The following RSBN1 variants were observed in gnomAD, a reference collection of about 807,000 sequenced individuals.
RSBN1 encodes the protein round spermatid basic protein 1.
RSBN1 carries 23 observed loss-of-function variants against 74.8 expected under a neutral mutation model. The ratio of observed to expected loss-of-function variants is 0.31; its 90% CI spans 0.22 to 0.44. The LOEUF (loss-of-function observed/expected upper bound fraction) is 0.44, where lower values mean the gene tolerates loss of function less well. RSBN1 is among the 20% of genes least tolerant of loss of function. The probability of loss-of-function intolerance (pLI) is 1.00; values close to 1 mark genes in which losing one functional copy is unlikely to be tolerated. For missense variants in RSBN1, 808 were observed against 1,020.9 expected (o/e 0.79, Z 2.84); for synonymous variants, 407 against 379.6 (o/e 1.07, Z -0.84).
rs1454436558 is a variant in RSBN1, at chr1:113,766,473, A to G, written c.1936-20T>C. The G allele has an allele frequency of 1.3e-5, 19 of 1,475,196 alleles. No individual in the cohort carries two copies. The highest frequency in any genetic ancestry group is 1.7e-5 in the Non-Finnish European group (18 of 1,074,464). The allele number at this position is 1,475,196 out of a possible 1,614,324, so 91.4% of individuals were successfully genotyped here. A position where few individuals can be genotyped will look rare whatever the true frequency, so the allele number is the denominator to read the frequency against. ...TACGCACTGAAGAAAGAAAAAAGTT[A>G]CGTGAGACTTTAAAATATGTAATAA... On this transcript the variant is annotated intron_variant, in intron 6 of 6. Coordinates refer to ENST00000261441, the MANE Select transcript of RSBN1 (RefSeq NM_018364.5).
chr1:113,765,327 AT>A lies in RSBN1; in HGVS notation c.*652del, dbSNP rs527344410. On this transcript the variant is annotated 3_prime_UTR_variant, in exon 7 of 7. Coordinates refer to ENST00000261441, the MANE Select transcript of RSBN1 (RefSeq NM_018364.5). ...ATGACCAAGGACTATTCATCTTTAG[AT>A]TTTTTTTTTAATTGAAATATCCACT... 1.5e-4 allele frequency: 22 copies of A among 150,720 alleles called. No individual in the cohort carries two copies. The highest frequency in any genetic ancestry group is 2.4e-4 in the Non-Finnish European group (16 of 67,492). The allele number at this position is 150,720 out of a possible 1,614,324, so 9.3% of individuals were successfully genotyped here. A position where few individuals can be genotyped will look rare whatever the true frequency, so the allele number is the denominator to read the frequency against.
chr1:113,809,001 G>T (rs1196437012), intron 1 of RSBN1, among the ~76,000 whole-genome samples: 3 of 151,926 alleles, frequency 2.0e-5, no homozygotes, highest in Non-Finnish European at 4.4e-5. Flanking sequence ...CTGGTAAAAG[G>T]TAAGGACTTG....
chr1:113,782,259 C>T (rs1275077193), intron 2 of RSBN1, among the ~76,000 whole-genome samples: 1 of 151,876 alleles, frequency 6.6e-6, no homozygotes, highest in Non-Finnish European at 1.5e-5. Flanking sequence ...GCTCAAAGAA[C>T]GAAAGTACAT....
chr1:113,812,199 C>T lies in RSBN1; in HGVS notation c.214G>A (p.Gly72Arg). Reference protein sequence around the residue: ...VAAQEEPDKEGKEKPHAGVSP... With the variant: ...VAAQEEPDKERKEKPHAGVSP... The stretch of plus-strand genomic sequence containing the variant: ...ACCCCAGCATGAGGTTTCTCCTTCC[C>T]CTCTTTGTCCGGCTCCTCCTGCGCC... Residue 72 changes from glycine (G) to arginine (R), a missense_variant, in exon 1 of 7, where the codon GGG (glycine) becomes AGG (arginine). Physicochemically the swap from Gly to Arg is moderately radical, Grantham distance 125. This residue lies in a region of RSBN1 where 464 missense variants were observed against 401.0 expected (regional missense o/e 1.16). Transcript: ENST00000261441. 6.2e-7 allele frequency: 1 copy of T among 1,608,362 alleles called. No homozygotes were observed. The highest frequency in any genetic ancestry group is 8.5e-7 in the Non-Finnish European group (1 of 1,179,894).
Position 113,777,655 on chromosome 1 carries a change from C to A in RSBN1, c.1515+16G>T. Reference sequence around the variant, plus strand: ...AAGTAAAGATCAAAACTTTAATAATCTTAATTAACACTCACTTTCAGAAAT... The same window carrying A: ...AAGTAAAGATCAAAACTTTAATAATATTAATTAACACTCACTTTCAGAAAT... On this transcript the variant is annotated intron_variant, in intron 3 of 6. Transcript: ENST00000261441. The A allele has an allele frequency of 1.2e-6, 2 of 1,600,298 alleles. No individual in the cohort carries two copies. Among genetic ancestry groups the A allele is most frequent in the Non-Finnish European group, 1.7e-6 (2 of 1,170,888 alleles).
At chr1:113,794,188 A>T (rs1407879522) in intron 2 of RSBN1, among the ~76,000 whole-genome samples, 1 of 151,806 alleles carries the variant, frequency 6.6e-6, no homozygotes, top group Non-Finnish European at 1.5e-5. Flanking sequence ...TTATTTCTCA[A>T]ATTTCTTTCT....
chr1:113,797,504 T>C lies in RSBN1; in HGVS notation c.1236A>G (p.Leu412=), dbSNP rs1302532939. The change falls in exon 2 of 7, where the codon TTA becomes TTG. Residue 412 remains leucine (L), a synonymous_variant. Coordinates refer to ENST00000261441, the MANE Select transcript of RSBN1 (RefSeq NM_018364.5). ...ENEKNAAYYA[L]AIVHGAAAYL... ...AAGCAGCCGCTCCATGCACTATTGC[T>C]AAAGCATAGTAAGCAGCATTTTTCT... 6.2e-7 allele frequency: 1 copy of C among 1,613,852 alleles called. No individual in the cohort carries two copies. Among genetic ancestry groups the C allele is most frequent in the East Asian group, 2.2e-5 (1 of 44,882 alleles).
chr1:113,809,130 C>A (rs1660777545), intron 1 of RSBN1, among the ~76,000 whole-genome samples: 1 of 151,784 alleles, frequency 6.6e-6, no homozygotes, highest in African/African-American at 2.4e-5. Flanking sequence ...TAACAAGAAT[C>A]TGCCCACTCT....
In RSBN1 at chr1:113,811,875, C is replaced by T. The variant is rs1384720030; in HGVS notation, c.538G>A (p.Ala180Thr). 6.2e-7 allele frequency: 1 copy of T among 1,612,938 alleles called. No individual in the cohort carries two copies. The highest frequency in any genetic ancestry group is 1.3e-5 in the African/African-American group (1 of 74,854). The change falls in exon 1 of 7, where the codon GCG becomes ACG. Residue 180 changes from alanine to threonine, a missense_variant. Around this residue, in one of 6 missense-constraint regions of RSBN1, gnomAD observed 464 missense variants for 401.0 expected, o/e 1.16. Transcript: ENST00000261441. ...LFTFSPLTVS[A>T]AGPKHKGHKE... ...TGGCCCTTATGCTTGGGCCCGGCCGCGCTCACCGTCAGAGGCGAGAAGGTG... is the reference window on the plus strand; with the variant it reads ...TGGCCCTTATGCTTGGGCCCGGCCGTGCTCACCGTCAGAGGCGAGAAGGTG...
chr1:113,803,893 A>G (rs1660641024), intron 1 of RSBN1, among the ~76,000 whole-genome samples: 1 of 150,744 alleles, frequency 6.6e-6, no homozygotes, highest in South Asian at 2.1e-4. Flanking sequence ...GCTAGAGTCC[A>G]GGAATTCAAG....
intron 4 of RSBN1, among the ~76,000 whole-genome samples, chr1:113,776,659 A>C (rs541539518): frequency 6.6e-6 from 1 of 152,174 alleles, no homozygotes; most frequent in Admixed American, 6.6e-5. Context: ...AAAATACACA[A>C]AACAATTTTT....
At chr1:113,808,439 T>C (rs548316006) in intron 1 of RSBN1, among the ~76,000 whole-genome samples, 74 of 152,318 alleles carry the variant, frequency 4.9e-4, no homozygotes, top group African/African-American at 1.8e-3. Flanking sequence ...GCTGAATCCA[T>C]TGATGTGGAA....
chr1:113,808,340 T>C (rs1192362957), intron 1 of RSBN1, among the ~76,000 whole-genome samples: 1 of 152,222 alleles, frequency 6.6e-6, no homozygotes, highest in Non-Finnish European at 1.5e-5. Flanking sequence ...TTATACTGTA[T>C]TGTTTAGGGA....
At chr1:113,790,934 C>T (rs1246873271) in intron 2 of RSBN1, among the ~76,000 whole-genome samples, 1 of 152,092 alleles carries the variant, frequency 6.6e-6, no homozygotes, top group Non-Finnish European at 1.5e-5. Flanking sequence ...ACTAGCAACC[C>T]CAAATTATTC....
At chr1:113,796,585 A>C (rs1660477287) in intron 2 of RSBN1, among the ~76,000 whole-genome samples, 1 of 152,188 alleles carries the variant, frequency 6.6e-6, no homozygotes, top group Non-Finnish European at 1.5e-5. Context: ...ATAAAAGTTT[A>C]AAAAGTGAAA....
rs1381891858 is a variant in RSBN1, at chr1:113,763,371, C to G, written c.*2609G>C. The G allele has an allele frequency of 6.5e-6, 1 of 152,706 alleles. No homozygotes were observed. Among genetic ancestry groups the G allele is most frequent in the Non-Finnish European group, 1.5e-5 (1 of 68,018 alleles). 9.5% of individuals were successfully genotyped at this position (152,706 alleles called of 1,614,324 possible). The stretch of plus-strand genomic sequence containing the variant: ...CAAAAAGGAAGATCAGCTTAAATTT[C>G]AGTTACAACTTCACTGCCATCACTA... On this transcript the variant is annotated 3_prime_UTR_variant, in exon 7 of 7. Coordinates refer to ENST00000261441, the MANE Select transcript of RSBN1 (RefSeq NM_018364.5).
chr1:113,790,276 C>T (rs527572732), intron 2 of RSBN1, among the ~76,000 whole-genome samples: 22 of 152,012 alleles, frequency 1.4e-4, no homozygotes, highest in Admixed American at 1.2e-3. Context: ...GTTCTGGAAA[C>T]GGTAGTGGTA....
intron 4 of RSBN1, among the ~76,000 whole-genome samples, chr1:113,774,990 T>C (rs1266764248): frequency 6.6e-6 from 1 of 151,860 alleles, no homozygotes; most frequent in African/African-American, 2.4e-5. Flanking sequence ...TGGCTATATA[T>C]AATTTGAAAG....
chr1:113,808,611 T>C (rs949262249), intron 1 of RSBN1, among the ~76,000 whole-genome samples: 6 of 152,172 alleles, frequency 3.9e-5, no homozygotes, highest in Non-Finnish European at 8.8e-5. Flanking sequence ...AATGATTCAA[T>C]AGGTGAACCA....
Sources: allele counts gnomAD v4.1 joint callset (sites outside exome capture counted in the v4.1 genomes callset), GRCh38; gene constraint gnomAD v4.1.1; regional missense constraint gnomAD v4.1.1; transcripts MANE v1.5; gene names NCBI Gene and HGNC (gene_info 2026-07-23, HGNC 2026-07-21).